Variants in PIBF1 observed in about 807,000 individuals in gnomAD.
PIBF1 encodes the protein progesterone-induced-blocking factor 1.
PIBF1 carries 90 observed loss-of-function variants against 112.5 expected under a neutral mutation model. The ratio of observed to expected loss-of-function variants is 0.80; its 90% CI spans 0.67 to 0.95. The LOEUF is 0.95. Among genes scored for constraint, PIBF1 ranks in the 40% least tolerant of loss-of-function variants. The pLI is 0.00. For missense variants in PIBF1, 915 were observed against 852.3 expected (o/e 1.07, Z -0.92); for synonymous variants, 301 against 288.6 (o/e 1.04, Z -0.44).
chr13:72,923,473 A>G (rs530916698), intron 13 of PIBF1, among the ~76,000 whole-genome samples: 3 of 152,324 alleles, frequency 2.0e-5, no homozygotes, highest in African/African-American at 4.8e-5. Flanking sequence ...GCTGATATCA[A>G]ACTTAATCTT....
Position 72,908,678 on chromosome 13 carries a change from G to A in PIBF1, c.1636G>A (p.Glu546Lys). The change falls in exon 12 of 18, where the codon GAA (glutamate) becomes AAA (lysine). Residue 546 changes from glutamate (E) to lysine (K), a missense_variant. Physicochemically the swap from Glu to Lys is moderately conservative, Grantham distance 56. Coordinates refer to ENST00000326291, the MANE Select transcript of PIBF1 (RefSeq NM_006346.4). ...ELDEIIMQTA[E>K]IENEDEAERV... Reference sequence around the variant, plus strand: ...TGATGAAATAATAATGCAAACTGCAGAAAGTAAGTCTTCCCCCACACACAC... The same window carrying A: ...TGATGAAATAATAATGCAAACTGCAAAAAGTAAGTCTTCCCCCACACACAC... The A allele has an allele frequency of 6.2e-7, 1 of 1,609,848 alleles. No homozygotes were observed. Among genetic ancestry groups the A allele is most frequent in the Non-Finnish European group, 8.5e-7 (1 of 1,178,332 alleles).
chr13:72,815,813 G>C (rs1012340239), intron 5 of PIBF1, among the ~76,000 whole-genome samples: 1 of 152,128 alleles, frequency 6.6e-6, no homozygotes, highest in African/African-American at 2.4e-5. Flanking sequence ...GTACAGGCAT[G>C]CACCATCACA....
At position 72,835,257 on chromosome 13, in the gene PIBF1, C is replaced by T. The variant is rs1011390710; in HGVS notation, c.1112C>T (p.Thr371Ile). 1.3e-6 allele frequency: 2 copies of T among 1,563,638 alleles called. No individual in the cohort carries two copies. The highest frequency in any genetic ancestry group is 2.8e-5 in the African/African-American group (2 of 71,410). The change falls in exon 9 of 18, where the codon ACA becomes ATA. Residue 371 changes from threonine to isoleucine, a missense_variant. By Grantham distance (89) the Thr-to-Ile change is moderately conservative. Coordinates refer to ENST00000326291, the MANE Select transcript of PIBF1 (RefSeq NM_006346.4). Reference protein sequence around the residue: ...KYVASRDHYKTEYENKLHDEL... With the variant: ...KYVASRDHYKIEYENKLHDEL... ...ACTCCTTGCAGAGACCATTATAAAA[C>T]AGAATATGAAAATAAACTACATGAT... is the stretch of plus-strand genomic sequence containing the variant.
intron 12 of PIBF1, among the ~76,000 whole-genome samples, chr13:72,910,909 A>C (rs1474310430): frequency 6.6e-6 from 1 of 152,188 alleles, no homozygotes; most frequent in Non-Finnish European, 1.5e-5. Context: ...AAATCACGAA[A>C]TATATTGTGA....
At chr13:73,010,985 C>T (rs535737568) in intron 17 of PIBF1, among the ~76,000 whole-genome samples, 2 of 151,612 alleles carry the variant, frequency 1.3e-5, no homozygotes, top group Non-Finnish European at 2.9e-5. Flanking sequence ...TGCCACCACA[C>T]CCGGCTAATT....
intron 9 of PIBF1, among the ~76,000 whole-genome samples, chr13:72,851,230 G>T (rs1433561788): frequency 2.0e-5 from 3 of 152,170 alleles, no homozygotes; most frequent in Non-Finnish European, 4.4e-5. Context: ...CAGCTGCAGT[G>T]GCCCAGTCGC....
intron 2 of PIBF1, among the ~76,000 whole-genome samples, chr13:72,789,891 A>T (rs149774755): frequency 0.011 from 1,677 of 152,252 alleles, 16 homozygotes; most frequent in Non-Finnish European, 0.017. Context: ...AGGGTTTGGG[A>T]TGCTCAACAT....
rs1418371610 is a variant in PIBF1, at chr13:72,973,619, C to T, written c.1993C>T (p.Leu665=). ...SNLNKEKSAL[L]QTKNQMALDL... is the part of the protein sequence containing the mutation. ...CTTAAATAAAGAAAAGTCAGCTTTACTACAGACGAAGAATCAAATGGCATT... is the reference window on the plus strand; with the variant it reads ...CTTAAATAAAGAAAAGTCAGCTTTATTACAGACGAAGAATCAAATGGCATT... The change falls in exon 16 of 18, where the codon CTA becomes TTA. Residue 665 remains leucine (L), a synonymous_variant. Coordinates refer to ENST00000326291, the MANE Select transcript of PIBF1 (RefSeq NM_006346.4). 1 of 1,568,506 alleles carries T rather than the reference C, an allele frequency of 6.4e-7. No homozygotes were observed. Among genetic ancestry groups the T allele is most frequent in the African/African-American group, 1.4e-5 (1 of 72,398 alleles).
At chr13:72,869,996 ATAATT>A (rs1249984664) in intron 10 of PIBF1, among the ~76,000 whole-genome samples, 4 of 152,210 alleles carry the variant, frequency 2.6e-5, no homozygotes, top group Non-Finnish European at 4.4e-5. Flanking sequence ...TGTAAAAATT[ATAATT>A]TAATTGTATA....
intron 13 of PIBF1, among the ~76,000 whole-genome samples, chr13:72,919,999 G>T (rs1051855835): frequency 2.0e-5 from 3 of 152,082 alleles, no homozygotes; most frequent in Non-Finnish European, 4.4e-5. Context: ...AGAAAAGAAA[G>T]AATTCTGCTG....
chr13:72,816,842 A>G (rs969670709), intron 5 of PIBF1, among the ~76,000 whole-genome samples: 7 of 152,092 alleles, frequency 4.6e-5, no homozygotes, highest in African/African-American at 1.7e-4. Context: ...CTGTCTTTAG[A>G]ATCAATTTTT....
chr13:72,888,729 A>G (rs1018740743), intron 10 of PIBF1, among the ~76,000 whole-genome samples: 1 of 152,132 alleles, frequency 6.6e-6, no homozygotes, highest in African/African-American at 2.4e-5. Context: ...GTCTACATGA[A>G]AAAAGGAAGT....
At chr13:73,012,575 CAAAAAAAACA>C (rs1277863873) in intron 17 of PIBF1, among the ~76,000 whole-genome samples, 6 of 147,628 alleles carry the variant, frequency 4.1e-5, no homozygotes, top group African/African-American at 1.5e-4. Context: ...ACACACACAC[CAAAAAAAACA>C]AAAAAAAACA....
At chr13:72,859,658 G>T (rs1478371591) in intron 10 of PIBF1, among the ~76,000 whole-genome samples, 1 of 152,174 alleles carries the variant, frequency 6.6e-6, no homozygotes, top group Non-Finnish European at 1.5e-5. Context: ...GTAAGATCAT[G>T]CAGTTGGGTC....
At chr13:72,939,413 G>T (rs2041953930) in intron 14 of PIBF1, among the ~76,000 whole-genome samples, 1 of 151,992 alleles carries the variant, frequency 6.6e-6, no homozygotes, top group South Asian at 2.1e-4. Flanking sequence ...TCTGACAACT[G>T]CCAAATCACT....
chr13:72,894,772 A>ATTGT (rs1491462402), intron 11 of PIBF1, among the ~76,000 whole-genome samples: 1 of 137,218 alleles, frequency 7.3e-6, no homozygotes, highest in African/African-American at 2.8e-5. Flanking sequence ...ATATATATAT[A>ATTGT]GTGTGTGTGT....
intron 17 of PIBF1, among the ~76,000 whole-genome samples, chr13:73,000,858 G>T (rs1441402911): frequency 6.6e-6 from 1 of 152,170 alleles, no homozygotes; most frequent in Non-Finnish European, 1.5e-5. Context: ...ATAAGGTTAT[G>T]CAGTGATGAT....
chr13:72,817,050 T>C (rs1336364313), intron 5 of PIBF1, among the ~76,000 whole-genome samples: 1 of 152,328 alleles, frequency 6.6e-6, no homozygotes, highest in East Asian at 1.9e-4. Flanking sequence ...AGTGAATTCT[T>C]AGTTTTCCAG....
At chr13:72,934,371 T>C (rs549111797) in intron 14 of PIBF1, among the ~76,000 whole-genome samples, 1 of 152,312 alleles carries the variant, frequency 6.6e-6, no homozygotes, top group African/African-American at 2.4e-5. Context: ...CATTCTTGGC[T>C]CACTGCAACT....
Sources: allele counts gnomAD v4.1 joint callset (sites outside exome capture counted in the v4.1 genomes callset), GRCh38; gene constraint gnomAD v4.1.1; transcripts MANE v1.5; gene names NCBI Gene and HGNC (gene_info 2026-07-23, HGNC 2026-07-21).